Variants in GNAI3 observed in about 807,000 individuals in gnomAD.
GNAI3 encodes G protein subunit alpha i3, also known as guanine nucleotide-binding protein G(i) subunit alpha-3.
In GNAI3, 12 loss-of-function variants were observed where a neutral mutation model predicts 41.8. That is an observed-to-expected ratio of 0.29 (90% CI 0.18 to 0.47). The LOEUF is 0.47. Among genes scored for constraint, GNAI3 ranks in the 20% least tolerant of loss-of-function variants. The pLI, the probability that GNAI3 is intolerant of heterozygous loss-of-function variation, is 1.00. For synonymous variants in GNAI3, 132 were observed against 146.5 expected (o/e 0.90, Z 0.71); for missense variants, 360 against 429.6 (o/e 0.84, Z 1.43).
chr1:109,586,971 T>TA (rs1050650515), intron 7 of GNAI3, 89 bp downstream of exon 7: 17 of 830,620 alleles, frequency 2.0e-5, no homozygotes. Context: ...TTTTTTTTTT[T>TA]AATGATTGAT....
chr1:109,587,465 C>CT (rs777552997), intron 7 of GNAI3, among the ~76,000 whole-genome samples: 1 of 152,032 alleles, frequency 6.6e-6, no homozygotes, highest in East Asian at 1.9e-4. Context: ...TCACTGTAGT[C>CT]TTTTTCTAGA....
At chr1:109,551,708 G>A (rs140470817) in intron 1 of GNAI3, among the ~76,000 whole-genome samples, 260 of 152,310 alleles carry the variant, frequency 1.7e-3, no homozygotes, top group Non-Finnish European at 3.2e-3. Context: ...CTAGCTCCAT[G>A]AAGATTAGCT....
intron 1 of GNAI3, among the ~76,000 whole-genome samples, chr1:109,573,191 G>C (rs1648653936): frequency 6.6e-6 from 1 of 152,172 alleles, no homozygotes; most frequent in African/African-American, 2.4e-5. Context: ...TTTGTTTAAA[G>C]TGATTCCAGC....
chr1:109,583,875 G>A (rs1459371151), intron 5 of GNAI3, among the ~76,000 whole-genome samples: 1 of 150,994 alleles, frequency 6.6e-6, no homozygotes, highest in Non-Finnish European at 1.5e-5. Flanking sequence ...ACAGGTGTGA[G>A]CCACCACACC....
chr1:109,565,250 C>CAAA (rs527332111), intron 1 of GNAI3, among the ~76,000 whole-genome samples: 3 of 81,268 alleles, frequency 3.7e-5, no homozygotes, highest in African/African-American at 7.7e-5. Context: ...GACTCCGTCT[C>CAAA]AAAAAAAAAA....
intron 4 of GNAI3, among the ~76,000 whole-genome samples, chr1:109,580,150 C>T (rs545931995): frequency 2.6e-5 from 4 of 152,244 alleles, no homozygotes; most frequent in East Asian, 1.9e-4. Context: ...TACAGGCGCC[C>T]GCCACCATGC....
intron 3 of GNAI3, among the ~76,000 whole-genome samples, chr1:109,575,534 CTTTTTTTTTTTTT>C (rs747890363): frequency 1.9e-4 from 10 of 52,854 alleles, no homozygotes; most frequent in South Asian, 1.5e-3. Context: ...CCTTTCATTT[CTTTTTTTTTTTTT>C]TTTTTTTTTT....
intron 7 of GNAI3, among the ~76,000 whole-genome samples, chr1:109,588,109 G>A (rs1035308430): frequency 2.0e-5 from 3 of 152,124 alleles, no homozygotes; most frequent in African/African-American, 7.2e-5. Flanking sequence ...GGCTGGGCGC[G>A]GTGGCTCACG....
At chr1:109,563,237 C>T (rs1025803392) in intron 1 of GNAI3, among the ~76,000 whole-genome samples, 1 of 152,112 alleles carries the variant, frequency 6.6e-6, no homozygotes, top group African/African-American at 2.4e-5. Flanking sequence ...TAAAAATTAG[C>T]CGGTGTGGTG....
chr1:109,585,370 A>G (rs1649009501), intron 5 of GNAI3, among the ~76,000 whole-genome samples: 1 of 152,220 alleles, frequency 6.6e-6, no homozygotes, highest in Non-Finnish European at 1.5e-5. Flanking sequence ...TAAAACTAAT[A>G]TGGAGTGTAA....
At position 109,593,182 on chromosome 1, in the gene GNAI3, C is replaced by T. The variant is rs1005691135; in HGVS notation, c.*860C>T. The T allele has an allele frequency of 2.6e-5, 4 of 152,654 alleles. No homozygotes were observed. The highest frequency in any genetic ancestry group is 5.9e-5 in the Non-Finnish European group (4 of 68,042). The allele number at this position is 152,654 out of a possible 1,614,324, so 9.5% of individuals were successfully genotyped here. A position where few individuals can be genotyped will look rare whatever the true frequency, so the allele number is the denominator to read the frequency against. ...AACAGAACCAGTGACTTTGCTGCTACATATTTACTAAATTGACCACTTTGA... is the reference window on the plus strand; with the variant it reads ...AACAGAACCAGTGACTTTGCTGCTATATATTTACTAAATTGACCACTTTGA... On this transcript the variant is annotated 3_prime_UTR_variant, in exon 9 of 9. Coordinates refer to ENST00000369851, the MANE Select transcript of GNAI3 (RefSeq NM_006496.4).
At chr1:109,582,626 C>G (rs1648923826) in intron 5 of GNAI3, 61 bp downstream of exon 5, 1 of 1,247,904 alleles carries the variant, frequency 8.0e-7, no homozygotes, top group Non-Finnish European at 1.2e-6. Flanking sequence ...TTTAGTTTAC[C>G]ATCTCTTAAT....
At chr1:109,560,669 G>A (rs1292829322) in intron 1 of GNAI3, among the ~76,000 whole-genome samples, 1 of 152,192 alleles carries the variant, frequency 6.6e-6, no homozygotes, top group Non-Finnish European at 1.5e-5. Context: ...TCCTGTGTCA[G>A]CCTCCTGAGT....
intron 1 of GNAI3, among the ~76,000 whole-genome samples, chr1:109,556,728 T>C (rs186968258): frequency 4.6e-4 from 70 of 152,302 alleles, no homozygotes; most frequent in Non-Finnish European, 8.8e-4. Context: ...GCAGTTGTTT[T>C]TAACTCCTCT....
intron 1 of GNAI3, among the ~76,000 whole-genome samples, chr1:109,554,393 T>A: frequency 6.7e-6 from 1 of 148,272 alleles, no homozygotes; most frequent in South Asian, 2.1e-4. Flanking sequence ...CCAACATCTA[T>A]TTTTTTTTTA....
chr1:109,550,197 C>T (rs1647945600), intron 1 of GNAI3, among the ~76,000 whole-genome samples: 1 of 152,216 alleles, frequency 6.6e-6, no homozygotes, highest in Admixed American at 6.5e-5. Context: ...TTATTTTGTA[C>T]ATTCTAAGTG....
chr1:109,579,385 C>G (rs1441003827), intron 4 of GNAI3, 24 bp downstream of exon 4: 1 of 1,566,506 alleles, frequency 6.4e-7, no homozygotes, highest in Non-Finnish European at 8.8e-7. Flanking sequence ...CTCTGTGAAA[C>G]TATAACAGAG....
intron 3 of GNAI3, among the ~76,000 whole-genome samples, chr1:109,578,470 CAAAA>C (rs35519193): frequency 2.4e-5 from 2 of 84,310 alleles, no homozygotes; most frequent in African/African-American, 9.2e-5. Flanking sequence ...AACTCCGTCT[CAAAA>C]AAAAAAAAAA....
At chr1:109,591,110 T>A (rs1649160742) in intron 7 of GNAI3, among the ~76,000 whole-genome samples, 1 of 152,192 alleles carries the variant, frequency 6.6e-6, no homozygotes, top group South Asian at 2.1e-4. Flanking sequence ...AGACAGGCTT[T>A]GCTTTTGGTT....
Sources: gnomAD v4.1 joint callset for allele counts (sites outside exome capture counted in the v4.1 genomes callset) on GRCh38, gnomAD v4.1.1 for gene constraint, MANE v1.5 for transcripts, NCBI Gene and HGNC (gene_info 2026-07-23, HGNC 2026-07-21) for gene names.